Variants in C13orf42 observed in about 807,000 individuals in gnomAD.
The protein encoded by C13orf42 is chromosome 13 open reading frame 42.
chr13:51,126,837 G>C lies in C13orf42; in HGVS notation n.137-13615C>G, dbSNP rs143330540. Among the ~76,000 whole-genome samples, 9 of 152,336 alleles carry C rather than the reference G, an allele frequency of 5.9e-5. No individual in the cohort carries two copies. The East Asian group carries it at 1.7e-3, about 29-fold the overall frequency. ...TTTCTGACAAATGAAGAATTCAATA[G>C]TGGTCAAGGGCCAGGTGTCTGAGGA... On this transcript the variant is annotated intron_variant and non_coding_transcript_variant, in intron 1 of 4. Transcript: ENST00000433280.
chr13:51,092,757 C>G (rs1310521345), intron 1 of C13orf42, among the ~76,000 whole-genome samples: 1 of 152,030 alleles, frequency 6.6e-6, no homozygotes, highest in East Asian at 1.9e-4. Context: ...AGTCATTCAA[C>G]TTGTGAAGCT....
chr13:51,088,016 G>A lies in C13orf42; in HGVS notation c.474C>T (p.Phe158=). ...CCAGCTCTGCAATGATGGAGTCAAA[G>A]AAGGCAATGGCCTCGGCCACATCAG... ...FSADVAEAIA[F]FDSIIAELDT... The change falls in exon 2 of 4, where the codon TTC becomes TTT. Residue 158 remains phenylalanine (F), a synonymous_variant. Transcript: ENST00000563710. 2.5e-6 allele frequency: 1 copy of A among 398,816 alleles called. No homozygotes were observed. The highest frequency in any genetic ancestry group is 4.4e-6 in the Non-Finnish European group (1 of 226,142). 24.7% of individuals were successfully genotyped at this position (398,816 alleles called of 1,614,324 possible). A position where few individuals can be genotyped will look rare whatever the true frequency, so the allele number is the denominator to read the frequency against.
chr13:51,151,510 G>C (rs566154398), intron 1 of C13orf42, among the ~76,000 whole-genome samples: 1 of 152,364 alleles, frequency 6.6e-6, no homozygotes, highest in East Asian at 1.9e-4. Context: ...CTAACCTAGA[G>C]AACTTCATAT....
At chr13:51,105,804 G>C (rs1015110302) in intron 1 of C13orf42, among the ~76,000 whole-genome samples, 1 of 152,002 alleles carries the variant, frequency 6.6e-6, no homozygotes, top group Non-Finnish European at 1.5e-5. Flanking sequence ...TGTTATACAA[G>C]ATCAAAATAC....
At chr13:51,113,563 A>G (rs1953455455), upstream of C13orf42, among the ~76,000 whole-genome samples, 2 of 91,588 alleles carry the variant, frequency 2.2e-5, no homozygotes, top group South Asian at 1.0e-3. Context: ...TCCAAAGTGT[A>G]TTTTGTGTGT....
chr13:51,134,135 C>T lies in C13orf42; in HGVS notation n.137-20913G>A, dbSNP rs901666860. 2.0e-5 allele frequency among the ~76,000 whole-genome samples: 3 copies of T among 152,148 alleles called. No individual in the cohort carries two copies. In the East Asian group the frequency reaches 5.8e-4, roughly 29 times the overall value. On this transcript the variant is annotated intron_variant and non_coding_transcript_variant, in intron 1 of 4. Coordinates refer to the C13orf42 transcript ENST00000433280. ...CTGAAAATCTAAGTCCATTTACCTG[C>T]CTTCTCAGGACCAAAAATAGCAGCA...
chr13:51,085,266 C>T (rs759504558), intron 3 of C13orf42, 53 bp downstream of exon 3: 6 of 394,820 alleles, frequency 1.5e-5, no homozygotes, highest in Admixed American at 8.9e-5. Context: ...TCACCCCAAG[C>T]GTCTGGAGGC....
intron 1 of C13orf42, among the ~76,000 whole-genome samples, chr13:51,169,119 G>T (rs1953925272): frequency 6.6e-6 from 1 of 152,154 alleles, no homozygotes; most frequent in African/African-American, 2.4e-5. Flanking sequence ...TGCAAATGTG[G>T]AAACAACATT....
intron 1 of C13orf42, among the ~76,000 whole-genome samples, chr13:51,097,640 G>A (rs1287303064): frequency 1.3e-5 from 2 of 152,132 alleles, no homozygotes; most frequent in African/African-American, 4.8e-5. Context: ...AGAGGTGGTT[G>A]TGCAAAATGA....
At chr13:51,117,600 T>C (rs1290163579) in intron 1 of C13orf42, among the ~76,000 whole-genome samples, 1 of 152,078 alleles carries the variant, frequency 6.6e-6, no homozygotes, top group East Asian at 1.9e-4. Context: ...TGATGGTACT[T>C]TTGGGGTTGG....
upstream of C13orf42, among the ~76,000 whole-genome samples, chr13:51,114,607 AGATAGAT>A: frequency 6.6e-6 from 1 of 150,678 alleles, no homozygotes; most frequent in African/African-American, 2.4e-5. Context: ...ATTCTACTAC[AGATAGAT>A]GATAGATAGA....
At chr13:51,166,989 G>A (rs768810005) in intron 1 of C13orf42, among the ~76,000 whole-genome samples, 4 of 151,886 alleles carry the variant, frequency 2.6e-5, no homozygotes, top group Admixed American at 6.6e-5. Context: ...TGAGGCAGGA[G>A]AATCACTTGA....
chr13:51,125,062 A>G (rs896499476), intron 1 of C13orf42, among the ~76,000 whole-genome samples: 5 of 152,148 alleles, frequency 3.3e-5, no homozygotes, highest in African/African-American at 9.7e-5. Flanking sequence ...AGCTGGAAAA[A>G]GGGCCTAAAG....
chr13:51,141,970 T>C (rs758388451), intron 1 of C13orf42, among the ~76,000 whole-genome samples: 6 of 152,250 alleles, frequency 3.9e-5, no homozygotes, highest in Non-Finnish European at 7.3e-5. Context: ...TTTGCATTTA[T>C]TAATCAGGCA....
intron 1 of C13orf42, among the ~76,000 whole-genome samples, chr13:51,119,965 T>C (rs936167290): frequency 7.5e-6 from 1 of 134,226 alleles, no homozygotes; most frequent in African/African-American, 3.3e-5. Context: ...TCGGAGAATC[T>C]GGGAATTTTT....
chr13:51,158,165 C>T (rs1197259204), intron 1 of C13orf42, among the ~76,000 whole-genome samples: 1 of 152,188 alleles, frequency 6.6e-6, no homozygotes, highest in African/African-American at 2.4e-5. Context: ...AATTGCCAAA[C>T]ATCCCACAAT....
rs193226132 is a variant in C13orf42, at chr13:51,128,786, G to A, written n.137-15564C>T. Among the ~76,000 whole-genome samples, 5 of 152,244 alleles carry A rather than the reference G, an allele frequency of 3.3e-5. No homozygotes were observed. In the East Asian group the frequency reaches 9.6e-4, roughly 29 times the overall value. On this transcript the variant is annotated intron_variant and non_coding_transcript_variant, in intron 1 of 4. Coordinates refer to the C13orf42 transcript ENST00000433280. ...AAGAAATATTAAAGGGAAATATTAG[G>A]GAAAGTTATAGGAAATAGTCACAAA...
chr13:51,153,444 CAGAGAG>C (rs143095880), intron 1 of C13orf42, among the ~76,000 whole-genome samples: 3 of 149,596 alleles, frequency 2.0e-5, no homozygotes, highest in Non-Finnish European at 4.5e-5. Context: ...AAAAACATGA[CAGAGAG>C]AGAGAGAGAG....
chr13:51,097,991 T>C (rs1953252829), intron 1 of C13orf42, among the ~76,000 whole-genome samples: 1 of 152,098 alleles, frequency 6.6e-6, no homozygotes, highest in Non-Finnish European at 1.5e-5. Context: ...ATTTTCCGAG[T>C]CTTCCCTGCT....
Sources: allele counts gnomAD v4.1 joint callset (sites outside exome capture counted in the v4.1 genomes callset), GRCh38; gene constraint gnomAD v4.1.1; transcripts MANE v1.5; gene names NCBI Gene and HGNC (gene_info 2026-07-23, HGNC 2026-07-21).